The following SIPA1L1 variants were observed in gnomAD, a reference collection of about 807,000 sequenced individuals.
SIPA1L1 encodes the protein signal induced proliferation associated 1 like 1, also known as signal-induced proliferation-associated 1-like protein 1.
SIPA1L1 carries 26 observed loss-of-function variants against 162.7 expected under a neutral mutation model. That is an observed-to-expected ratio of 0.16 (90% CI 0.12 to 0.22). SIPA1L1 has a LOEUF of 0.22. SIPA1L1 is among the 10% of genes least tolerant of loss of function. SIPA1L1 has a pLI of 1.00. For missense variants in SIPA1L1, 1,874 were observed against 2,241.0 expected (o/e 0.84, Z 3.31); for synonymous variants, 829 against 837.4 (o/e 0.99, Z 0.17).
chr14:71,427,827 C>T (rs1245575634), intron 2 of SIPA1L1, among the ~76,000 whole-genome samples: 1 of 151,612 alleles, frequency 6.6e-6, no homozygotes, highest in Non-Finnish European at 1.5e-5. Flanking sequence ...CTACATCTTC[C>T]TTTAGTTCTT....
intron 5 of SIPA1L1, among the ~76,000 whole-genome samples, chr14:71,594,050 C>T (rs565160612): frequency 5.8e-4 from 89 of 152,200 alleles, no homozygotes; most frequent in Non-Finnish European, 2.2e-4. Context: ...ATTGTTCTTA[C>T]TGTTCACCTT....
chr14:71,392,540 T>G (rs2040840855), intron 2 of SIPA1L1, among the ~76,000 whole-genome samples: 3 of 151,782 alleles, frequency 2.0e-5, no homozygotes, highest in Admixed American at 2.0e-4. Flanking sequence ...TATTGAAACT[T>G]TTTTTTTTGA....
chr14:71,703,180 T>C (rs1566690858), intron 15 of SIPA1L1, among the ~76,000 whole-genome samples: 1 of 152,250 alleles, frequency 6.6e-6, no homozygotes, highest in African/African-American at 2.4e-5. Flanking sequence ...CTCAGGGATT[T>C]GGTACCAACA....
intron 2 of SIPA1L1, among the ~76,000 whole-genome samples, chr14:71,411,105 CT>C (rs1249430691): frequency 2.0e-5 from 3 of 152,022 alleles, no homozygotes; most frequent in Non-Finnish European, 2.9e-5. Context: ...ACACATCAGA[CT>C]TTTCTTTAGC....
intron 13 of SIPA1L1, among the ~76,000 whole-genome samples, chr14:71,696,284 C>T (rs545473271): frequency 1.3e-5 from 2 of 152,264 alleles, no homozygotes; most frequent in African/African-American, 4.8e-5. Context: ...CCACATTTCC[C>T]GAACACTGAC....
intron 2 of SIPA1L1, among the ~76,000 whole-genome samples, chr14:71,349,222 A>G (rs1425824114): frequency 2.0e-5 from 3 of 152,212 alleles, no homozygotes; most frequent in South Asian, 2.1e-4. Flanking sequence ...TAATGGTAAT[A>G]AACTGAGAGG....
intron 6 of SIPA1L1, among the ~76,000 whole-genome samples, 186 bp from the exon 7 acceptor site, chr14:71,623,862 T>G (rs1030918279): frequency 2.0e-5 from 3 of 152,172 alleles, no homozygotes; most frequent in African/African-American, 7.2e-5. Flanking sequence ...AAAGCATTGG[T>G]TTCATTTTTC....
At chr14:71,544,253 TATA>T (rs2054922992) in intron 4 of SIPA1L1, among the ~76,000 whole-genome samples, 1 of 106,840 alleles carries the variant, frequency 9.4e-6, no homozygotes, top group East Asian at 2.3e-4. Context: ...CACATATGTA[TATA>T]CACATGATAT....
At chr14:71,407,877 G>GT (rs1294701664) in intron 2 of SIPA1L1, among the ~76,000 whole-genome samples, 6 of 152,018 alleles carry the variant, frequency 3.9e-5, no homozygotes, top group East Asian at 1.9e-4. Context: ...GTTTTGTTTT[G>GT]TTTTTTTGTA....
intron 2 of SIPA1L1, among the ~76,000 whole-genome samples, chr14:71,460,840 A>G (rs1048343214): frequency 7.2e-5 from 11 of 152,168 alleles, no homozygotes; most frequent in African/African-American, 2.4e-4. Flanking sequence ...GGCCTTCTGG[A>G]GAACTTTGCC....
chr14:71,706,414 A>G (rs889248663), intron 16 of SIPA1L1, among the ~76,000 whole-genome samples: 2 of 152,200 alleles, frequency 1.3e-5, no homozygotes, highest in Admixed American at 1.3e-4. Flanking sequence ...TTAATTTCAC[A>G]TGTTTCTTTT....
intron 2 of SIPA1L1, among the ~76,000 whole-genome samples, chr14:71,496,140 A>T (rs1267914027): frequency 6.6e-6 from 1 of 151,106 alleles, no homozygotes; most frequent in East Asian, 1.9e-4. Flanking sequence ...AAATTTTGAC[A>T]TGTTGTATTT....
At chr14:71,551,626 T>C (rs1247661664) in intron 4 of SIPA1L1, among the ~76,000 whole-genome samples, 1 of 152,204 alleles carries the variant, frequency 6.6e-6, no homozygotes, top group Non-Finnish European at 1.5e-5. Context: ...CTGCGTTATG[T>C]CATGAGACAG....
intron 2 of SIPA1L1, among the ~76,000 whole-genome samples, chr14:71,443,205 A>ATATT (rs1391433821): frequency 2.0e-5 from 3 of 152,140 alleles, no homozygotes; most frequent in Non-Finnish European, 4.4e-5. Flanking sequence ...CTGTCTGAAA[A>ATATT]TATTTAGCCT....
chr14:71,698,842 A>T, intron 13 of SIPA1L1, 139 bp from the exon 14 acceptor site: 1 of 512,384 alleles, frequency 2.0e-6, no homozygotes, highest in Non-Finnish European at 2.7e-6. Context: ...TTTCTTTTGT[A>T]GGCTTCCAGC....
chr14:71,721,858 CCTGA>C (rs1275687414), intron 17 of SIPA1L1, among the ~76,000 whole-genome samples: 1 of 152,158 alleles, frequency 6.6e-6, no homozygotes, highest in African/African-American at 2.4e-5. Context: ...GTCCCTGTGG[CCTGA>C]CTGCCACTCA....
intron 17 of SIPA1L1, among the ~76,000 whole-genome samples, chr14:71,714,491 T>C (rs535413514): frequency 2.0e-5 from 3 of 152,192 alleles, no homozygotes; most frequent in Non-Finnish European, 2.9e-5. Flanking sequence ...CTTCGTCATA[T>C]GTAAAGCATT....
chr14:71,529,268 T>C, intron 3 of SIPA1L1, 44 bp from the exon 4 acceptor site: 1 of 583,374 alleles, frequency 1.7e-6, no homozygotes, highest in Non-Finnish European at 3.1e-6. Flanking sequence ...TTTAGTGAAA[T>C]TTATTGTGCA....
chr14:71,668,183 C>T (rs1337993216), intron 10 of SIPA1L1, among the ~76,000 whole-genome samples: 2 of 152,248 alleles, frequency 1.3e-5, no homozygotes, highest in East Asian at 1.9e-4. Context: ...TGGCCCATAT[C>T]GAGTAGAAAT....
Sources: allele counts gnomAD v4.1 joint callset (sites outside exome capture counted in the v4.1 genomes callset), GRCh38; gene constraint gnomAD v4.1.1; transcripts MANE v1.5; gene names NCBI Gene and HGNC (gene_info 2026-07-23, HGNC 2026-07-21).